Variants in SORCS2 observed in about 807,000 individuals in gnomAD.
The protein encoded by SORCS2 is sortilin related VPS10 domain containing receptor 2, also known as VPS10 domain-containing receptor SorCS2.
In SORCS2, 100 loss-of-function variants were observed where a neutral mutation model predicts 141.6. The ratio of observed to expected loss-of-function variants is 0.71; its 90% CI spans 0.60 to 0.83. The LOEUF (loss-of-function observed/expected upper bound fraction) is 0.83, where lower values mean the gene tolerates loss of function less well. Ranked by LOEUF, SORCS2 falls within the 40% of genes least tolerant of loss-of-function variation. The probability of loss-of-function intolerance (pLI) is 0.00; values close to 1 mark genes in which losing one functional copy is unlikely to be tolerated. For missense variants in SORCS2, 1,646 were observed against 1,560.2 expected, an observed-to-expected ratio of 1.05 and a Z score of -0.93; for synonymous variants, 789 against 676.9, an observed-to-expected ratio of 1.17 and a Z score of -2.57.
At chr4:7,571,177 A>G (rs1484726261) in intron 3 of SORCS2, among the ~76,000 whole-genome samples, 1 of 152,082 alleles carries the variant, frequency 6.6e-6, no homozygotes, top group Non-Finnish European at 1.5e-5. Context: ...GGCAGCATTT[A>G]CTCGTTAGGT....
chr4:7,604,190 C>G (rs1224710164), intron 3 of SORCS2, among the ~76,000 whole-genome samples: 1 of 152,070 alleles, frequency 6.6e-6, no homozygotes, highest in Non-Finnish European at 1.5e-5. Flanking sequence ...GTGTCCCCAC[C>G]CAAATCTCAT....
At chr4:7,678,152 G>T (rs1723284353) in intron 9 of SORCS2, among the ~76,000 whole-genome samples, 1 of 152,226 alleles carries the variant, frequency 6.6e-6, no homozygotes, top group African/African-American at 2.4e-5. Flanking sequence ...GAGAGTGCTG[G>T]GGCCTGGAGA....
intron 8 of SORCS2, among the ~76,000 whole-genome samples, chr4:7,668,089 C>T (rs1229402106): frequency 1.3e-5 from 2 of 152,180 alleles, no homozygotes; most frequent in Non-Finnish European, 2.9e-5. Context: ...AAATATAAAC[C>T]AGAATGTGTG....
At chr4:7,361,870 C>T (rs1454785192) in intron 1 of SORCS2, among the ~76,000 whole-genome samples, 2 of 131,164 alleles carry the variant, frequency 1.5e-5, no homozygotes, top group Admixed American at 9.2e-5. Context: ...AGTGTGGCCC[C>T]GGACAGGCAC....
intron 2 of SORCS2, among the ~76,000 whole-genome samples, chr4:7,482,319 CT>C (rs1484531936): frequency 2.8e-5 from 1 of 35,810 alleles, no homozygotes; most frequent in Non-Finnish European, 5.3e-5. Context: ...ACACCCCTGG[CT>C]GCTGTTCAGA....
intron 2 of SORCS2, among the ~76,000 whole-genome samples, chr4:7,524,439 C>G (rs909460811): frequency 6.6e-6 from 1 of 152,098 alleles, no homozygotes; most frequent in African/African-American, 2.4e-5. Context: ...TGCACAGCAG[C>G]CTGGGACCCT....
chr4:7,200,891 A>C (rs1264703354), intron 1 of SORCS2, among the ~76,000 whole-genome samples: 6 of 152,076 alleles, frequency 3.9e-5, no homozygotes, highest in African/African-American at 1.4e-4. Context: ...TGTCGACCTC[A>C]CTTGCATCTT....
chr4:7,343,819 C>T (rs943936999), intron 1 of SORCS2, among the ~76,000 whole-genome samples: 1 of 152,228 alleles, frequency 6.6e-6, no homozygotes, highest in Non-Finnish European at 1.5e-5. Flanking sequence ...AAGCACCTGA[C>T]TTCCTTCTAG....
chr4:7,532,828 G>C (rs534240250), intron 3 of SORCS2, among the ~76,000 whole-genome samples: 1 of 152,044 alleles, frequency 6.6e-6, no homozygotes, highest in South Asian at 2.1e-4. Context: ...GTTTTGTTTC[G>C]TTTTTTTCTC....
Position 7,729,667 on chromosome 4 carries a change from G to T in SORCS2, c.3063G>T (p.Leu1021=). The T allele has an allele frequency of 6.2e-7, 1 of 1,608,468 alleles. No homozygotes were observed. Among genetic ancestry groups the T allele is most frequent in the South Asian group, 1.1e-5 (1 of 89,528 alleles). Residue 1021 remains leucine (L), a synonymous_variant, in exon 23 of 27, where the codon CTG becomes CTT. Coordinates refer to ENST00000507866, the MANE Select transcript of SORCS2 (RefSeq NM_020777.3). ...CTTTGGCCGATCTGTACGTGCTCCT[G>T]CCCCCTCCCAGGCCCACAAGGAAGA... ...LPTLADLYVL[L]PPPRPTRKRS... is the part of the protein sequence containing the mutation.
Position 7,380,817 on chromosome 4 carries a change from G to A in SORCS2, c.481-15471G>A, listed in dbSNP as rs986921922. 4.6e-5 allele frequency among the ~76,000 whole-genome samples: 7 copies of A among 152,332 alleles called. No homozygotes were observed. In the South Asian group the frequency reaches 1.5e-3, roughly 32 times the overall value. On this transcript the variant is annotated intron_variant, in intron 1 of 26. Coordinates refer to ENST00000507866, the MANE Select transcript of SORCS2 (RefSeq NM_020777.3). ...AAGAAGTGGGTTAATTAGGTGCGGT[G>A]GCTCACGCCTGTAATCCCAACACTT... is the stretch of plus-strand genomic sequence containing the variant.
intron 2 of SORCS2, among the ~76,000 whole-genome samples, chr4:7,511,463 C>A: frequency 7.0e-6 from 1 of 143,278 alleles, no homozygotes; most frequent in East Asian, 2.0e-4. Context: ...CACACAGATA[C>A]ACACACAACT....
chr4:7,661,051 A>G (rs1188847882), intron 5 of SORCS2, among the ~76,000 whole-genome samples: 2 of 152,288 alleles, frequency 1.3e-5, no homozygotes, highest in Admixed American at 1.3e-4. Context: ...CAGTTTCCAT[A>G]TTTATAAAAC....
intron 5 of SORCS2, among the ~76,000 whole-genome samples, chr4:7,659,111 G>C (rs1312192541): frequency 6.6e-6 from 1 of 152,170 alleles, no homozygotes; most frequent in Non-Finnish European, 1.5e-5. Context: ...TTCCCAGGGA[G>C]TCTTGCTTTG....
intron 7 of SORCS2, 64 bp from the exon 8 acceptor site, chr4:7,667,060 T>G: frequency 7.1e-7 from 1 of 1,414,592 alleles, no homozygotes; most frequent in Middle Eastern, 1.8e-4. Context: ...TAGTTTTTCA[T>G]TCATGAGACT....
intron 2 of SORCS2, among the ~76,000 whole-genome samples, chr4:7,484,387 C>T (rs911530093): frequency 2.6e-5 from 4 of 152,184 alleles, no homozygotes; most frequent in Non-Finnish European, 5.9e-5. Flanking sequence ...TTATCTTCCT[C>T]CTATTTTATG....
chr4:7,414,588 AC>A (rs1725540136), intron 2 of SORCS2, among the ~76,000 whole-genome samples: 1 of 152,188 alleles, frequency 6.6e-6, no homozygotes, highest in South Asian at 2.1e-4. Flanking sequence ...TAACTTTTAT[AC>A]CTAGGTTTAG....
intron 5 of SORCS2, among the ~76,000 whole-genome samples, chr4:7,655,913 T>A (rs2108903206): frequency 6.6e-6 from 1 of 152,320 alleles, no homozygotes; most frequent in Non-Finnish European, 1.5e-5. Context: ...AAATTGGCGA[T>A]AATTCAAACG....
At chr4:7,411,903 C>T (rs769873921) in intron 2 of SORCS2, among the ~76,000 whole-genome samples, 1 of 152,198 alleles carries the variant, frequency 6.6e-6, no homozygotes, top group African/African-American at 2.4e-5. Flanking sequence ...TTAAAGCTGC[C>T]CTCCCTACAT....
Sources: gnomAD v4.1 joint callset for allele counts (sites outside exome capture counted in the v4.1 genomes callset) on GRCh38, gnomAD v4.1.1 for gene constraint, MANE v1.5 for transcripts, NCBI Gene and HGNC (gene_info 2026-07-23, HGNC 2026-07-21) for gene names.